DPP10: variants seen among roughly 807,000 people sequenced by gnomAD.
DPP10 encodes the protein inactive dipeptidyl peptidase 10.
Under a neutral mutation model 120.9 loss-of-function variants are expected in DPP10, and 33 were observed. The observed-to-expected ratio is 0.27, with a 90% CI of 0.21 to 0.37. The LOEUF (loss-of-function observed/expected upper bound fraction) is 0.37. Among genes scored for constraint, DPP10 ranks in the 10% least tolerant of loss-of-function variants. DPP10 has a pLI of 1.00. For synonymous variants in DPP10, 337 were observed against 326.1 expected, an observed-to-expected ratio of 1.03 and a Z score of -0.36; for missense variants, 816 against 942.8, an observed-to-expected ratio of 0.87 and a Z score of 1.76.
At chr2:115,067,877 A>AG (rs1443863389) in intron 1 of DPP10, among the ~76,000 whole-genome samples, 1 of 148,538 alleles carries the variant, frequency 6.7e-6, no homozygotes, top group Admixed American at 6.7e-5. Flanking sequence ...AAAAAAAAAA[A>AG]AAAGAAAAAA....
At chr2:114,798,825 A>C (rs1006703462) in intron 1 of DPP10, among the ~76,000 whole-genome samples, 4 of 152,224 alleles carry the variant, frequency 2.6e-5, no homozygotes, top group Non-Finnish European at 4.4e-5. Flanking sequence ...TTTACAAAAA[A>C]ATAAAAAAGT....
chr2:114,508,104 C>T (rs993929283), intron 1 of DPP10, among the ~76,000 whole-genome samples: 3 of 151,992 alleles, frequency 2.0e-5, no homozygotes, highest in African/African-American at 2.4e-5. Flanking sequence ...CTTTCTGAGG[C>T]ATAATTTACA....
intron 1 of DPP10, among the ~76,000 whole-genome samples, chr2:114,837,898 G>A (rs773667067): frequency 6.6e-6 from 1 of 152,142 alleles, no homozygotes; most frequent in African/African-American, 2.4e-5. Context: ...GCCCACTTAT[G>A]GTATCAGTTT....
At chr2:115,085,973 CTTACTTTCCAA>C (rs1317379969) in intron 1 of DPP10, among the ~76,000 whole-genome samples, 4 of 152,108 alleles carry the variant, frequency 2.6e-5, no homozygotes, top group Non-Finnish European at 5.9e-5. Context: ...TATATCGTGA[CTTACTTTCCAA>C]TCTGACTCTG....
intron 1 of DPP10, among the ~76,000 whole-genome samples, chr2:114,571,561 T>C (rs1689648743): frequency 1.3e-5 from 2 of 151,868 alleles, no homozygotes; most frequent in Admixed American, 6.6e-5. Context: ...TCTCATGATA[T>C]GCCACTTCAT....
intron 1 of DPP10, among the ~76,000 whole-genome samples, chr2:114,922,831 T>C (rs1257209173): frequency 6.6e-6 from 1 of 152,240 alleles, no homozygotes; most frequent in African/African-American, 2.4e-5. Context: ...TTTTGGCTAC[T>C]ATGGCTAATG....
intron 1 of DPP10, among the ~76,000 whole-genome samples, chr2:114,469,967 A>G (rs1283755983): frequency 2.0e-5 from 3 of 152,218 alleles, no homozygotes; most frequent in Non-Finnish European, 4.4e-5. Flanking sequence ...AACCAGGGTA[A>G]AGAAACCAAA....
At chr2:115,840,140 A>T (rs1689938545) in intron 24 of DPP10, among the ~76,000 whole-genome samples, 1 of 151,472 alleles carries the variant, frequency 6.6e-6, no homozygotes. Flanking sequence ...AAATATGTGT[A>T]CCATTAGGAA....
chr2:115,137,536 G>T (rs966461452), intron 1 of DPP10, among the ~76,000 whole-genome samples: 1 of 152,230 alleles, frequency 6.6e-6, no homozygotes, highest in Non-Finnish European at 1.5e-5. Context: ...GGCCAGGCCA[G>T]GTATGAAAGG....
intron 1 of DPP10, among the ~76,000 whole-genome samples, chr2:114,856,319 GA>G (rs1036807250): frequency 3.3e-5 from 5 of 152,128 alleles, no homozygotes; most frequent in African/African-American, 9.6e-5. Flanking sequence ...AATGTAAATG[GA>G]AAAAAATCCT....
rs189561298 is a variant in DPP10 at position 114,644,207 on chromosome 2, G to A, written c.60+201369G>A. 7.9e-4 allele frequency among the ~76,000 whole-genome samples: 119 copies of A among 150,868 alleles called. 2 individuals are homozygous for A. Among genetic ancestry groups the A allele is most frequent in the African/African-American group, 2.8e-3 (113 of 40,638 alleles). ...ACTGCCTGCCTCGGCCTCCCAAAGT[G>A]CTGGGATTACAGGTGTGAGCCAGCG... On this transcript the variant is annotated intron_variant, in intron 1 of 25. Coordinates refer to ENST00000410059, the MANE Select transcript of DPP10 (RefSeq NM_020868.6).
chr2:114,647,826 T>C (rs1696257229), intron 1 of DPP10, among the ~76,000 whole-genome samples: 1 of 151,550 alleles, frequency 6.6e-6, no homozygotes, highest in Admixed American at 6.6e-5. Context: ...ACTCTAACAC[T>C]GGATGTTGAT....
intron 1 of DPP10, among the ~76,000 whole-genome samples, chr2:114,906,546 T>G (rs1693979487): frequency 6.6e-6 from 1 of 152,166 alleles, no homozygotes; most frequent in South Asian, 2.1e-4. Context: ...TAGTTTTCCG[T>G]GTTCATTAAC....
intron 1 of DPP10, among the ~76,000 whole-genome samples, chr2:115,067,413 G>C (rs1271296863): frequency 1.3e-5 from 2 of 150,782 alleles, no homozygotes; most frequent in African/African-American, 4.9e-5. Context: ...CACCACGCCC[G>C]GCTAATTTTT....
intron 3 of DPP10, among the ~76,000 whole-genome samples, chr2:115,410,914 A>G (rs2068905739): frequency 6.6e-6 from 1 of 152,262 alleles, no homozygotes; most frequent in Non-Finnish European, 1.5e-5. Flanking sequence ...AAATTAGACT[A>G]ATTTGTCTTT....
At chr2:114,444,923 G>T (rs1056586303) in intron 1 of DPP10, among the ~76,000 whole-genome samples, 8 of 152,152 alleles carry the variant, frequency 5.3e-5, no homozygotes, top group Non-Finnish European at 1.2e-4. Context: ...TTGCAATAGT[G>T]AAAAGGGATG....
intron 21 of DPP10, among the ~76,000 whole-genome samples, chr2:115,822,323 T>A (rs1205675134): frequency 1.3e-5 from 2 of 151,950 alleles, no homozygotes; most frequent in Non-Finnish European, 2.9e-5. Flanking sequence ...TACCATGAAA[T>A]TCATCCTTAT....
intron 1 of DPP10, among the ~76,000 whole-genome samples, chr2:115,043,753 T>A (rs1704849534): frequency 6.6e-6 from 1 of 152,194 alleles, no homozygotes; most frequent in Admixed American, 6.5e-5. Context: ...AAAAATTGGC[T>A]TTCATTTGAA....
intron 1 of DPP10, among the ~76,000 whole-genome samples, chr2:115,027,345 G>A (rs960161389): frequency 6.6e-6 from 1 of 151,774 alleles, no homozygotes; most frequent in African/African-American, 2.4e-5. Context: ...TTGCCTAATT[G>A]GTCTTGCCAG....
Sources: allele counts gnomAD v4.1 joint callset (sites outside exome capture counted in the v4.1 genomes callset), GRCh38; gene constraint gnomAD v4.1.1; transcripts MANE v1.5; gene names NCBI Gene and HGNC (gene_info 2026-07-23, HGNC 2026-07-21).